NIPAL3: variants seen among roughly 807,000 people sequenced by gnomAD.
NIPAL3 encodes the protein NIPA like domain containing 3.
NIPAL3 carries 41 observed loss-of-function variants against 47.2 expected under a neutral mutation model. The observed-to-expected ratio is 0.87, with a 90% confidence interval of 0.68 to 1.13. The LOEUF (loss-of-function observed/expected upper bound fraction) is 1.13. Among genes scored for constraint, NIPAL3 ranks in the 50% most tolerant of loss-of-function variants. The probability of loss-of-function intolerance (pLI) is 0.00; values close to 1 mark genes in which losing one functional copy is unlikely to be tolerated. For synonymous variants in NIPAL3, 194 were observed against 209.6 expected (o/e 0.93, Z 0.64); for missense variants, 449 against 530.1 (o/e 0.85, Z 1.50).
At chr1:24,439,541 A>AT (rs1212634581) in intron 2 of NIPAL3, among the ~76,000 whole-genome samples, 6 of 151,840 alleles carry the variant, frequency 4.0e-5, no homozygotes, top group African/African-American at 9.7e-5. Flanking sequence ...TGTTATTGTT[A>AT]TTTTTTTCAT....
chr1:24,455,180 G>A (rs1646136719), intron 7 of NIPAL3, among the ~76,000 whole-genome samples: 1 of 152,158 alleles, frequency 6.6e-6, no homozygotes, highest in Admixed American at 6.5e-5. Context: ...AGCAGGGACC[G>A]GGGGCTTCAC....
chr1:24,432,428 G>C (rs1434358914), intron 2 of NIPAL3, among the ~76,000 whole-genome samples: 2 of 152,214 alleles, frequency 1.3e-5, no homozygotes, highest in Non-Finnish European at 2.9e-5. Context: ...CGCCCGGCCA[G>C]ATTGTAATAT....
At chr1:24,423,082 T>C (rs1016175382) in intron 2 of NIPAL3, among the ~76,000 whole-genome samples, 2 of 152,286 alleles carry the variant, frequency 1.3e-5, no homozygotes, top group South Asian at 4.1e-4. Context: ...AGAAAACACA[T>C]TGATGGTGGC....
rs1212847043 is a variant in NIPAL3 at position 24,456,245 on chromosome 1, A to G, written c.745A>G (p.Met249Val). The G allele has an allele frequency of 1.2e-6, 2 of 1,614,230 alleles. No individual in the cohort carries two copies. The highest frequency in any genetic ancestry group is 1.7e-6 in the Non-Finnish European group (2 of 1,180,040). ...YPIFYVMFVC[M>V]VATAVYQAAF... The stretch of plus-strand genomic sequence containing the variant: ...CATCTTCTACGTGATGTTCGTGTGC[A>G]TGGTGGCAACCGCCGTCTATCAGGC... Residue 249 changes from methionine (M) to valine (V), a missense_variant, in exon 8 of 12, where the codon ATG (methionine) becomes GTG (valine). Met to Val is a conservative substitution (Grantham distance 21). Coordinates refer to ENST00000374399, the MANE Select transcript of NIPAL3 (RefSeq NM_020448.5).
intron 1 of NIPAL3, 106 bp from the exon 2 acceptor site, chr1:24,419,185 A>G (rs1644198032): frequency 2.0e-6 from 1 of 493,314 alleles, no homozygotes; most frequent in Non-Finnish European, 2.7e-6. Context: ...CTCACTTGTC[A>G]TGGCCGGTTA....
At chr1:24,460,935 G>A (rs561502084) in intron 10 of NIPAL3, among the ~76,000 whole-genome samples, 4 of 152,322 alleles carry the variant, frequency 2.6e-5, no homozygotes, top group South Asian at 2.1e-4. Context: ...ATACTTGAAT[G>A]TGGGAGGAAA....
At chr1:24,464,862 C>T (rs1210541112) in intron 11 of NIPAL3, 1 of 152,204 alleles carries the variant, frequency 6.6e-6, no homozygotes, top group Non-Finnish European at 1.5e-5. Flanking sequence ...CCTTCATTAA[C>T]ACAATCTCAT....
intron 5 of NIPAL3, among the ~76,000 whole-genome samples, chr1:24,445,628 T>C (rs915350286): frequency 1.3e-5 from 2 of 152,168 alleles, no homozygotes; most frequent in Non-Finnish European, 2.9e-5. Context: ...TAGAGCATTT[T>C]AGGTGAGCTA....
At chr1:24,441,911 A>G in intron 3 of NIPAL3, 144 bp from the exon 4 acceptor site, 1 of 725,104 alleles carries the variant, frequency 1.4e-6, no homozygotes, top group Non-Finnish European at 2.3e-6. Context: ...CCACTGTCTT[A>G]CTCTTCTCTG....
rs1298806871 is a variant in NIPAL3 at position 24,419,351 on chromosome 1, G to A, written c.-197G>A. The A allele has an allele frequency of 1.2e-5, 16 of 1,281,724 alleles. No individual in the cohort carries two copies. The highest frequency in any genetic ancestry group is 1.4e-5 in the Non-Finnish European group (14 of 1,016,166). The allele number at this position is 1,281,724 out of a possible 1,614,324, so 79.4% of individuals were successfully genotyped here. On this transcript the variant is annotated 5_prime_UTR_variant, in exon 2 of 12. Transcript: ENST00000374399. ...TCTGCCTGGGAGAGCCACGGAAATT[G>A]GCACTTCTCTGAGTGAAGCTGAGGA...
At chr1:24,439,578 ATAT>A (rs1241074726) in intron 2 of NIPAL3, among the ~76,000 whole-genome samples, 2 of 151,978 alleles carry the variant, frequency 1.3e-5, no homozygotes, top group South Asian at 4.2e-4. Context: ...CTTGTCTAAG[ATAT>A]TATTATTTTT....
rs904055761 is a variant in NIPAL3, at chr1:24,454,301, G to A, written c.637+797G>A. On this transcript the variant is annotated intron_variant, in intron 7 of 11. Coordinates refer to ENST00000374399, the MANE Select transcript of NIPAL3 (RefSeq NM_020448.5). This position sits in a 1 kb window ranked among gnomAD's most constrained non-coding sequence, Gnocchi z 4.1. ...GCTGGTGTCAGGGCTGGTGAAGCCT[G>A]CTACCGCGCTGCTCTTGAGTGGCCT... 4 of 1,152,236 alleles carry A rather than the reference G, an allele frequency of 3.5e-6. No homozygotes were observed. The African/African-American group carries it at 6.6e-5, about 19-fold the overall frequency. The allele number at this position is 1,152,236 out of a possible 1,614,324, so 71.4% of individuals were successfully genotyped here. A position where few individuals can be genotyped will look rare whatever the true frequency, so the allele number is the denominator to read the frequency against.
At chr1:24,431,304 A>G (rs1644866020) in intron 2 of NIPAL3, among the ~76,000 whole-genome samples, 1 of 152,228 alleles carries the variant, frequency 6.6e-6, no homozygotes, top group African/African-American at 2.4e-5. Flanking sequence ...TCTAAGGTAA[A>G]TGAAGGACAA....
chr1:24,422,887 A>G (rs12129892), intron 2 of NIPAL3, among the ~76,000 whole-genome samples: 40,800 of 152,192 alleles, frequency 0.27, 5,681 homozygotes, highest in East Asian at 0.45. Context: ...TTTTATTGAC[A>G]TATGGTATGC....
rs146639481 is a variant in NIPAL3 at position 24,428,796 on chromosome 1, C to A, written c.93+9156C>A. Among the ~76,000 whole-genome samples, 1,339 of 152,260 alleles carry A rather than the reference C, an allele frequency of 8.8e-3. 22 individuals carry two copies. Among genetic ancestry groups the A allele is most frequent in the African/African-American group, 0.03 (1,244 of 41,544 alleles). ...TGGCCCATACATAACCTTTTGGCCT[C>A]CAATGTTTTTGCTGCCTAGGTGGGT... is the stretch of plus-strand genomic sequence containing the variant. On this transcript the variant is annotated intron_variant, in intron 2 of 11. Coordinates refer to ENST00000374399, the MANE Select transcript of NIPAL3 (RefSeq NM_020448.5).
rs1645820606 is a variant in NIPAL3 at position 24,449,332 on chromosome 1, A to AT, written c.395-143dup. 1.5e-6 allele frequency: 1 copy of AT among 686,748 alleles called. No homozygotes were observed. The highest frequency in any genetic ancestry group is 2.2e-6 in the Non-Finnish European group (1 of 456,254). 42.5% of individuals were successfully genotyped at this position (686,748 alleles called of 1,614,324 possible). The stretch of plus-strand genomic sequence containing the variant: ...TTAACAAAATTAAGGAAAATCATTT[A>AT]TTTTTTAAAGTAAAGAAAAACCAAA... On this transcript the variant is annotated intron_variant, in intron 5 of 11. Transcript: ENST00000374399. The surrounding 1 kb of genome is among the most constrained non-coding windows in gnomAD (Gnocchi z 4.5).
chr1:24,442,021 TC>T, intron 3 of NIPAL3, 33 bp from the exon 4 acceptor site: 1 of 1,605,360 alleles, frequency 6.2e-7, no homozygotes. Flanking sequence ...TCCCCAAACA[TC>T]TGAGCAAATT....
chr1:24,438,783 C>T (rs1247103524), intron 2 of NIPAL3, among the ~76,000 whole-genome samples: 1 of 152,196 alleles, frequency 6.6e-6, no homozygotes, highest in African/African-American at 2.4e-5. Flanking sequence ...GGGAAGAGAA[C>T]ATGCTGGGAA....
chr1:24,436,522 C>G (rs140134305), intron 2 of NIPAL3, among the ~76,000 whole-genome samples: 2,765 of 150,816 alleles, frequency 0.018, 58 homozygotes, highest in Non-Finnish European at 0.024. Flanking sequence ...GAGTTTCACT[C>G]TTGTCACCCA....
Sources: gnomAD v4.1 joint callset for allele counts (sites outside exome capture counted in the v4.1 genomes callset) on GRCh38, gnomAD v4.1.1 for gene constraint, Gnocchi (gnomAD v3.1) non-coding constraint, MANE v1.5 for transcripts, NCBI Gene and HGNC (gene_info 2026-07-23, HGNC 2026-07-21) for gene names.